The following FANCA variants were observed in gnomAD, a reference collection of about 807,000 sequenced individuals.
FANCA encodes the protein FA complementation group A, also known as Fanconi anemia group A protein.
In FANCA, 236 loss-of-function variants were observed where a neutral mutation model predicts 194.3. The observed-to-expected ratio is 1.21, with a 90% CI of 1.09 to 1.35. The LOEUF is 1.35. Ranked by LOEUF, FANCA falls within the 40% of genes most tolerant of loss-of-function variation. The probability of loss-of-function intolerance (pLI) is 0.00; values close to 1 mark genes in which losing one functional copy is unlikely to be tolerated. For missense variants in FANCA, 2,628 were observed against 1,813.9 expected, an observed-to-expected ratio of 1.45 and a Z score of -8.15; for synonymous variants, 1,014 against 715.8, an observed-to-expected ratio of 1.42 and a Z score of -6.65.
chr16:89,808,629 T>C (rs953366635), intron 5 of FANCA, among the ~76,000 whole-genome samples: 4 of 152,166 alleles, frequency 2.6e-5, no homozygotes, highest in Admixed American at 6.6e-5. Flanking sequence ...TCCTACGCAC[T>C]GTAGCCTACT....
intron 14 of FANCA, among the ~76,000 whole-genome samples, chr16:89,787,433 G>C (rs902652896): frequency 3.3e-5 from 5 of 152,124 alleles, no homozygotes; most frequent in African/African-American, 1.2e-4. Flanking sequence ...TGTGGCAGGA[G>C]AATGGCGTGA....
At chr16:89,816,345 C>G (rs1391009587) in intron 1 of FANCA, 192 bp downstream of exon 1, 2 of 303,366 alleles carry the variant, frequency 6.6e-6, no homozygotes, top group African/African-American at 4.4e-5. Flanking sequence ...TGGGGGCGTC[C>G]GCCCAGGCGC....
At chr16:89,801,971 G>A (rs1396243922) in intron 8 of FANCA, among the ~76,000 whole-genome samples, 1 of 151,936 alleles carries the variant, frequency 6.6e-6, no homozygotes, top group Non-Finnish European at 1.5e-5. Flanking sequence ...CCAAAGGAAA[G>A]GAAATCAGCC....
chr16:89,744,613 C>A (rs995448660), intron 36 of FANCA: 16 of 364,878 alleles, frequency 4.4e-5, no homozygotes, highest in African/African-American at 3.0e-4. Context: ...CTCACTCAGA[C>A]GGGAGCCTGG....
rs1298473070 is a variant in FANCA, at chr16:89,783,061, G to A, written c.1512C>T (p.Arg504=). Residue 504 remains arginine, a synonymous_variant, in exon 16 of 43, where the codon CGC becomes CGT. Coordinates refer to ENST00000389301, the MANE Select transcript of FANCA (RefSeq NM_000135.4). ...ATGAGATGTAGTCTGTGAGGAGGGA[G>A]CGGTACTTGCCGGGAACCAGGGGTG... The part of the protein sequence containing the change: ...LHPPLVPGKY[R]SLLTDYISLA... The A allele has an allele frequency of 1.9e-6, 3 of 1,613,870 alleles. No individual in the cohort carries two copies. The highest frequency in any genetic ancestry group is 1.3e-5 in the African/African-American group (1 of 74,912).
chr16:89,757,038 G>C (rs987723153), intron 30 of FANCA, among the ~76,000 whole-genome samples: 1 of 152,210 alleles, frequency 6.6e-6, no homozygotes, highest in African/African-American at 2.4e-5. Context: ...GAATGTAGTG[G>C]TGTTTTCACA....
At chr16:89,780,051 T>C in intron 17 of FANCA, 94 bp from the exon 18 acceptor site, 1 of 1,124,154 alleles carries the variant, frequency 8.9e-7, no homozygotes, top group Non-Finnish European at 1.3e-6. Context: ...GCTTCCTTGT[T>C]GAAAGGCTCT....
chr16:89,738,304 C>T lies in FANCA; in HGVS notation c.*297G>A. On this transcript the variant is annotated 3_prime_UTR_variant, in exon 43 of 43. Coordinates refer to ENST00000389301, the MANE Select transcript of FANCA (RefSeq NM_000135.4). The stretch of plus-strand genomic sequence containing the variant: ...CTGGACTCCGCAGTGGCTGTGTCAG[C>T]CTCACCCTTCGTGTGCACCCGCATG... 3 of 1,531,436 alleles carry T rather than the reference C, an allele frequency of 2.0e-6. No homozygotes were observed. Among genetic ancestry groups the T allele is most frequent in the South Asian group, 1.2e-5 (1 of 82,800 alleles). 94.9% of individuals were successfully genotyped at this position (1,531,436 alleles called of 1,614,324 possible).
At chr16:89,808,187 T>C (rs1179644996) in intron 6 of FANCA, 107 bp downstream of exon 6, 16 of 1,024,010 alleles carry the variant, frequency 1.6e-5, no homozygotes, top group Admixed American at 6.8e-5. Flanking sequence ...GTACAAATTA[T>C]ATGTCAAAGC....
chr16:89,741,041 A>T (rs966359584), intron 37 of FANCA, 175 bp from the exon 38 acceptor site: 1 of 653,954 alleles, frequency 1.5e-6, no homozygotes, highest in African/African-American at 1.8e-5. Flanking sequence ...ATTGAGAATT[A>T]ATTACTACTG....
intron 28 of FANCA, among the ~76,000 whole-genome samples, chr16:89,764,073 C>G (rs1228225026): frequency 6.6e-6 from 1 of 151,738 alleles, no homozygotes; most frequent in East Asian, 1.9e-4. Context: ...GAAACCCCGT[C>G]TGTACTAAAG....
At chr16:89,769,249 C>CCACCA (rs1421879177) in intron 26 of FANCA, among the ~76,000 whole-genome samples, 1 of 152,224 alleles carries the variant, frequency 6.6e-6, no homozygotes, top group African/African-American at 2.4e-5. Context: ...CCAGCAACTC[C>CCACCA]CACCAGAGTC....
intron 24 of FANCA, 134 bp from the exon 25 acceptor site, chr16:89,770,393 C>A (rs2143338205): frequency 9.6e-7 from 1 of 1,042,946 alleles, no homozygotes; most frequent in Non-Finnish European, 1.5e-6. Context: ...TGGAAGACAA[C>A]CCATCTTCTG....
In FANCA at chr16:89,797,159, CA is replaced by C. The variant is rs2040276203; in HGVS notation, c.894-1142del. ...TGGGCGACAGAGCGAAATTCTGTCTCAAAAAAAGAAAAATAAAAAAAATTAG... is the reference window on the plus strand; with the variant it reads ...TGGGCGACAGAGCGAAATTCTGTCTCAAAAAAGAAAAATAAAAAAAATTAG... On this transcript the variant is annotated intron_variant, in intron 10 of 42. Coordinates refer to ENST00000389301, the MANE Select transcript of FANCA (RefSeq NM_000135.4). 2.0e-5 allele frequency among the ~76,000 whole-genome samples: 3 copies of C among 151,504 alleles called. No individual in the cohort carries two copies. The South Asian group carries it at 6.3e-4, about 32-fold the overall frequency.
At position 89,738,000 on chromosome 16, in the gene FANCA, C is replaced by G; in HGVS notation, c.*601G>C. The G allele has an allele frequency of 6.2e-7, 1 of 1,614,184 alleles. No homozygotes were observed. The highest frequency in any genetic ancestry group is 8.5e-7 in the Non-Finnish European group (1 of 1,180,038). Reference sequence around the variant, plus strand: ...GGTGTGAGGTCTGTGGGTTCCAGTGCAGGCAGCGGGCATCCCTCAAGTACC... The same window carrying G: ...GGTGTGAGGTCTGTGGGTTCCAGTGGAGGCAGCGGGCATCCCTCAAGTACC... On this transcript the variant is annotated 3_prime_UTR_variant, in exon 43 of 43. Transcript: ENST00000389301.
intron 3 of FANCA, 37 bp from the exon 4 acceptor site, chr16:89,811,108 A>C: frequency 1.2e-6 from 2 of 1,613,162 alleles, no homozygotes; most frequent in Non-Finnish European, 1.7e-6. Context: ...TTCTCTTAAC[A>C]CATGAGACAA....
chr16:89,776,257 T>C (rs1410775333), intron 20 of FANCA, among the ~76,000 whole-genome samples: 7 of 134,544 alleles, frequency 5.2e-5, no homozygotes, highest in African/African-American at 8.2e-5. Context: ...AACCTCCGCC[T>C]CCCAGGTTCA....
chr16:89,811,043 C>T lies in FANCA; in HGVS notation c.312G>A (p.Arg104=), dbSNP rs937043976. The change falls in exon 4 of 43, where the codon AGG becomes AGA. Residue 104 remains arginine (R), a synonymous_variant. Transcript: ENST00000389301. ...AGAGAATACCCACGGGAACCCCCAG[C>T]CTTGAGGCTTGATCCTGCAAAGCAG... ...IGSALQDQAS[R]LGVPVGILSA... 1.9e-6 allele frequency: 3 copies of T among 1,613,922 alleles called. No individual in the cohort carries two copies. The African/African-American group carries it at 4.0e-5, about 22-fold the overall frequency.
chr16:89,755,437 T>C (rs959757233), intron 30 of FANCA, among the ~76,000 whole-genome samples: 2 of 151,814 alleles, frequency 1.3e-5, no homozygotes, highest in African/African-American at 4.8e-5. Context: ...ACTCCTGACA[T>C]CAAGTGATCT....
Sources: gnomAD v4.1 joint callset for allele counts (sites outside exome capture counted in the v4.1 genomes callset) on GRCh38, gnomAD v4.1.1 for gene constraint, MANE v1.5 for transcripts, NCBI Gene and HGNC (gene_info 2026-07-23, HGNC 2026-07-21) for gene names.